OSBPL3: variants seen among roughly 807,000 people sequenced by gnomAD.
OSBPL3 encodes the protein oxysterol binding protein like 3.
A neutral mutation model predicts 120.1 loss-of-function variants in OSBPL3; 65 were observed. The ratio of observed to expected loss-of-function variants is 0.54; its 90% confidence interval spans 0.44 to 0.67. The LOEUF (loss-of-function observed/expected upper bound fraction) is 0.67. Among genes scored for constraint, OSBPL3 ranks in the 30% least tolerant of loss-of-function variants. The pLI is 0.00. For missense variants in OSBPL3, 1,004 were observed against 1,082.1 expected (o/e 0.93, Z 1.01); for synonymous variants, 416 against 402.6 (o/e 1.03, Z -0.40).
rs527364743 is a variant in OSBPL3, at chr7:24,830,232, C to T, written c.1884+536G>A. On this transcript the variant is annotated intron_variant, in intron 16 of 22. Transcript: ENST00000313367. The surrounding 1 kb of genome is among the most constrained non-coding windows in gnomAD (Gnocchi z 4.4). The stretch of plus-strand genomic sequence containing the variant: ...TGAGGGCAGGGACTCCTGTCCGGAC[C>T]CCTCACCCCCCACCCCACTGCAATA... 2.0e-4 allele frequency among the ~76,000 whole-genome samples: 31 copies of T among 152,182 alleles called. No individual in the cohort carries two copies. The South Asian group carries it at 3.3e-3, about 16-fold the overall frequency.
rs1244625183 is a variant in OSBPL3 at position 24,815,637 on chromosome 7, T to C, written c.2028-434A>G. Among the ~76,000 whole-genome samples the C allele has an allele frequency of 1.3e-5, 2 of 152,256 alleles. No homozygotes were observed. The highest frequency in any genetic ancestry group is 6.5e-5 in the Admixed American group (1 of 15,284). On this transcript the variant is annotated intron_variant, in intron 18 of 22. Coordinates refer to ENST00000313367, the MANE Select transcript of OSBPL3 (RefSeq NM_015550.4). This position sits in a 1 kb window ranked among gnomAD's most constrained non-coding sequence, Gnocchi z 5.1. Reference sequence around the variant, plus strand: ...TTTGTGATGAGAAAGTATTCAGATATTACTTATGGAATTCAATAATTACGA... The same window carrying C: ...TTTGTGATGAGAAAGTATTCAGATACTACTTATGGAATTCAATAATTACGA...
intron 10 of OSBPL3, among the ~76,000 whole-genome samples, chr7:24,853,759 G>A (rs1165944833): frequency 1.3e-5 from 2 of 152,184 alleles, no homozygotes; most frequent in South Asian, 4.1e-4. Context: ...GTGAAAGCGT[G>A]TGTGTGTAGA....
rs1025889903 is a variant in OSBPL3, at chr7:24,831,639, T to C, written c.1747-734A>G. ...GCATCAGGGAGGCACATTACCTTCTTTGTCTTTTCTTCCATGTATGTAACA... is the reference window on the plus strand; with the variant it reads ...GCATCAGGGAGGCACATTACCTTCTCTGTCTTTTCTTCCATGTATGTAACA... On this transcript the variant is annotated intron_variant, in intron 15 of 22. Coordinates refer to ENST00000313367, the MANE Select transcript of OSBPL3 (RefSeq NM_015550.4). This position sits in a 1 kb window ranked among gnomAD's most constrained non-coding sequence, Gnocchi z 4.0. Among the ~76,000 whole-genome samples the C allele has an allele frequency of 1.8e-4, 28 of 152,344 alleles. No individual in the cohort carries two copies. The highest frequency in any genetic ancestry group is 6.5e-4 in the African/African-American group (27 of 41,582).
At chr7:24,801,979 G>A (rs755353785) in intron 22 of OSBPL3, among the ~76,000 whole-genome samples, 59 of 152,134 alleles carry the variant, frequency 3.9e-4, no homozygotes, top group Non-Finnish European at 1.2e-4. Context: ...GTGTGAGTAC[G>A]GTTACATTAA....
rs1347672395 is a variant in OSBPL3 at position 24,819,888 on chromosome 7, T to C, written c.1948+287A>G. On this transcript the variant is annotated intron_variant, in intron 17 of 22. Transcript: ENST00000313367. The surrounding 1 kb of genome is among the most constrained non-coding windows in gnomAD (Gnocchi z 4.1). ...GTTTGACAAAAGCTGAAAACCCCTC[T>C]GCTGTCTACACTCTGATAAACAACT... Among the ~76,000 whole-genome samples, 2 of 152,220 alleles carry C rather than the reference T, an allele frequency of 1.3e-5. No homozygotes were observed. Among genetic ancestry groups the C allele is most frequent in the Non-Finnish European group, 2.9e-5 (2 of 68,036 alleles).
At chr7:24,846,222 C>G (rs1341400766) in intron 12 of OSBPL3, among the ~76,000 whole-genome samples, 2 of 152,146 alleles carry the variant, frequency 1.3e-5, no homozygotes, top group Admixed American at 6.5e-5. Flanking sequence ...TCTGGCTTGG[C>G]ATACCGTTCT....
intron 1 of OSBPL3, among the ~76,000 whole-genome samples, chr7:24,973,930 A>T (rs1817299503): frequency 6.6e-6 from 1 of 152,224 alleles, no homozygotes; most frequent in Admixed American, 6.5e-5. Context: ...TAGGAGCCAT[A>T]GATGTAATTT....
chr7:24,807,502 T>C (rs1475493357), intron 20 of OSBPL3, among the ~76,000 whole-genome samples: 1 of 146,956 alleles, frequency 6.8e-6, no homozygotes, highest in East Asian at 1.9e-4. Flanking sequence ...TCAAAAATAA[T>C]AATAATAATA....
rs1239995630 is a variant in OSBPL3 at position 24,879,289 on chromosome 7, TC to T, written c.97-7221del. 6.6e-6 allele frequency among the ~76,000 whole-genome samples: 1 copy of T among 152,138 alleles called. No individual in the cohort carries two copies. The highest frequency in any genetic ancestry group is 2.4e-5 in the African/African-American group (1 of 41,434). On this transcript the variant is annotated intron_variant, in intron 2 of 22. Transcript: ENST00000313367. This position sits in a 1 kb window ranked among gnomAD's most constrained non-coding sequence, Gnocchi z 5.6. Reference sequence around the variant, plus strand: ...ATTAGCTCTATAACCTCAAGTACAATCCCTGACTTTGGGATCTAAGTGAGAA... The same window carrying T: ...ATTAGCTCTATAACCTCAAGTACAATCCTGACTTTGGGATCTAAGTGAGAA...
chr7:24,911,214 A>G (rs1321200465), intron 1 of OSBPL3, among the ~76,000 whole-genome samples: 1 of 152,248 alleles, frequency 6.6e-6, no homozygotes, highest in Non-Finnish European at 1.5e-5. Flanking sequence ...TTTAAAGGGT[A>G]AGAAAAGATA....
intron 10 of OSBPL3, among the ~76,000 whole-genome samples, chr7:24,857,349 C>T (rs1799960373): frequency 6.6e-6 from 1 of 152,204 alleles, no homozygotes; most frequent in Non-Finnish European, 1.5e-5. Context: ...TGACCCTAGC[C>T]CTGTCTTGTT....
chr7:24,950,557 C>T (rs1352178300), intron 1 of OSBPL3, among the ~76,000 whole-genome samples: 1 of 152,154 alleles, frequency 6.6e-6, no homozygotes, highest in Non-Finnish European at 1.5e-5. Flanking sequence ...CCCGTCTCTA[C>T]TAAAAATACA....
intron 1 of OSBPL3, among the ~76,000 whole-genome samples, chr7:24,903,883 ATTTTTTTTTT>A (rs5882953): frequency 7.2e-6 from 1 of 138,930 alleles, no homozygotes; most frequent in Non-Finnish European, 1.5e-5. Context: ...CTCACCACCA[ATTTTTTTTTT>A]TTTTTTTGAG....
chr7:24,838,618 G>C (rs1220067836), intron 14 of OSBPL3, among the ~76,000 whole-genome samples: 2 of 152,162 alleles, frequency 1.3e-5, no homozygotes, highest in African/African-American at 4.8e-5. Context: ...TGTGGACTTA[G>C]GTTCTGAACC....
At position 24,813,205 on chromosome 7, in the gene OSBPL3, C is replaced by T. The variant is rs1180940080; in HGVS notation, c.2172+1854G>A. 4.6e-5 allele frequency among the ~76,000 whole-genome samples: 7 copies of T among 152,146 alleles called. No homozygotes were observed. The highest frequency in any genetic ancestry group is 8.8e-5 in the Non-Finnish European group (6 of 68,010). The stretch of plus-strand genomic sequence containing the variant: ...CTTAAGTTTATTCTGAAGCAGGTGT[C>T]AGATTTTCCCTTAGAGATATCTGCC... On this transcript the variant is annotated intron_variant, in intron 19 of 22. Coordinates refer to ENST00000313367, the MANE Select transcript of OSBPL3 (RefSeq NM_015550.4). The surrounding 1 kb of genome is among the most constrained non-coding windows in gnomAD (Gnocchi z 4.5).
At chr7:24,895,191 T>C (rs762574906) in intron 1 of OSBPL3, among the ~76,000 whole-genome samples, 9 of 152,206 alleles carry the variant, frequency 5.9e-5, no homozygotes, top group Non-Finnish European at 1.2e-4. Flanking sequence ...GAAGGATATA[T>C]AGTCGCATGC....
chr7:24,952,873 T>C lies in OSBPL3; in HGVS notation c.-150+27013A>G, dbSNP rs1814604424. Among the ~76,000 whole-genome samples the C allele has an allele frequency of 6.6e-6, 1 of 152,196 alleles. No homozygotes were observed. Among genetic ancestry groups the C allele is most frequent in the African/African-American group, 2.4e-5 (1 of 41,444 alleles). ...TTTAAAATAACTCTGGGATGGCCAA[T>C]GCCTGTAATCTCAGCACTTTAGGGG... is the stretch of plus-strand genomic sequence containing the variant. On this transcript the variant is annotated intron_variant, in intron 1 of 22. Coordinates refer to ENST00000313367, the MANE Select transcript of OSBPL3 (RefSeq NM_015550.4). This position sits in a 1 kb window ranked among gnomAD's most constrained non-coding sequence, Gnocchi z 4.4.
Position 24,947,627 on chromosome 7 carries a change from T to C in OSBPL3, c.-150+32259A>G, listed in dbSNP as rs1348922678. On this transcript the variant is annotated intron_variant, in intron 1 of 22. Transcript: ENST00000313367. This position sits in a 1 kb window ranked among gnomAD's most constrained non-coding sequence, Gnocchi z 4.4. ...TATGGGTAAGAAGGAAGCCAAATAT[T>C]GCCAAAAATATCTAGGAATCACTAT... 1.3e-5 allele frequency among the ~76,000 whole-genome samples: 2 copies of C among 152,198 alleles called. No individual in the cohort carries two copies. Among genetic ancestry groups the C allele is most frequent in the East Asian group, 3.8e-4 (2 of 5,204 alleles).
Position 24,806,624 on chromosome 7 carries a change from G to A in OSBPL3, c.2444+152C>T, listed in dbSNP as rs934441258. The stretch of plus-strand genomic sequence containing the variant: ...ATCCTAGTTGGGCCCCATCTCCTCC[G>A]TGATACAATTGTTTAAAGCATCCCC... On this transcript the variant is annotated intron_variant, in intron 21 of 22. Coordinates refer to ENST00000313367, the MANE Select transcript of OSBPL3 (RefSeq NM_015550.4). The surrounding 1 kb of genome is among the most constrained non-coding windows in gnomAD (Gnocchi z 5.2). The A allele has an allele frequency of 2.4e-5, 15 of 631,786 alleles. No individual in the cohort carries two copies. The highest frequency in any genetic ancestry group is 1.0e-4 in the South Asian group (4 of 39,754). The allele number at this position is 631,786 out of a possible 1,614,324, so 39.1% of individuals were successfully genotyped here. A position where few individuals can be genotyped will look rare whatever the true frequency, so the allele number is the denominator to read the frequency against.
Sources: allele counts gnomAD v4.1 joint callset (sites outside exome capture counted in the v4.1 genomes callset), GRCh38; gene constraint gnomAD v4.1.1; non-coding constraint Gnocchi (gnomAD v3.1); transcripts MANE v1.5; gene names NCBI Gene and HGNC (gene_info 2026-07-23, HGNC 2026-07-21).